Variants in C10orf90 observed in about 807,000 individuals in gnomAD.
The protein encoded by C10orf90 is chromosome 10 open reading frame 90.
In C10orf90, 56 loss-of-function variants were observed where a neutral mutation model predicts 62.5. The ratio of observed to expected loss-of-function variants is 0.90; its 90% CI spans 0.72 to 1.12. The LOEUF (loss-of-function observed/expected upper bound fraction) is 1.12. C10orf90 is among the 50% of genes most tolerant of loss of function. The probability of loss-of-function intolerance (pLI) is 0.00; values close to 1 mark genes in which losing one functional copy is unlikely to be tolerated. For missense variants in C10orf90, 970 were observed against 880.4 expected (o/e 1.10, Z -1.29); for synonymous variants, 386 against 340.4 (o/e 1.13, Z -1.47).
At chr10:126,566,686 AGCTGGT>A (rs1844397536) in intron 2 of C10orf90, among the ~76,000 whole-genome samples, 1 of 152,174 alleles carries the variant, frequency 6.6e-6, no homozygotes, top group Admixed American at 6.5e-5. Flanking sequence ...GTGAGACTGG[AGCTGGT>A]GCCTGTGGGG....
chr10:126,562,439 C>T (rs989555498), intron 2 of C10orf90, among the ~76,000 whole-genome samples: 1 of 152,170 alleles, frequency 6.6e-6, no homozygotes, highest in African/African-American at 2.4e-5. Flanking sequence ...AACAGAATCC[C>T]TCATTCCTGC....
In C10orf90 at chr10:126,464,800, A is replaced by G; in HGVS notation, c.1721T>C (p.Leu574Pro). The change falls in exon 5 of 10, where the codon CTG becomes CCG. Residue 574 changes from leucine to proline, a missense_variant. Coordinates refer to ENST00000488181, the MANE Select transcript of C10orf90 (RefSeq NM_001350921.2). ...CCCAGGAAAAAGGATTCTGGGTTTCAGGAAGCTTTGATGTCGTCTCTCTGT... is the reference window on the plus strand; with the variant it reads ...CCCAGGAAAAAGGATTCTGGGTTTCGGGAAGCTTTGATGTCGTCTCTCTGT... ...EPTERRHQSF[L>P]KPRILFPGFL... The G allele has an allele frequency of 1.9e-6, 3 of 1,614,162 alleles. No homozygotes were observed. The highest frequency in any genetic ancestry group is 2.5e-6 in the Non-Finnish European group (3 of 1,180,044).
At chr10:126,619,943 T>G (rs79706663) in intron 2 of C10orf90, among the ~76,000 whole-genome samples, 1,974 of 152,332 alleles carry the variant, frequency 0.013, 36 homozygotes, top group African/African-American at 0.044. Flanking sequence ...ATTTTTTCTT[T>G]TTAATTTTTA....
At chr10:126,634,872 C>G (rs1305058846) in intron 2 of C10orf90, among the ~76,000 whole-genome samples, 1 of 152,226 alleles carries the variant, frequency 6.6e-6, no homozygotes, top group Non-Finnish European at 1.5e-5. Flanking sequence ...AAGGAAAGAA[C>G]AGTATCCTTT....
chr10:126,565,385 ATT>A (rs1844352435), intron 2 of C10orf90, among the ~76,000 whole-genome samples: 1 of 76,596 alleles, frequency 1.3e-5, no homozygotes, highest in South Asian at 3.1e-4. Context: ...AATAATATAT[ATT>A]ATATATATTA....
At chr10:126,603,556 AC>A (rs1396623821) in intron 2 of C10orf90, among the ~76,000 whole-genome samples, 2 of 152,154 alleles carry the variant, frequency 1.3e-5, no homozygotes, top group South Asian at 4.2e-4. Context: ...CCTGAGTTTC[AC>A]CCCTGGCTGC....
Position 126,571,790 on chromosome 10 carries a change from G to A in C10orf90, c.314-57851C>T, listed in dbSNP as rs563444452. ...AACATTGTCAGAGAACAGAACCTGG[G>A]ACTCCAGGCGTAAATAAACCCAAGA... On this transcript the variant is annotated intron_variant, in intron 2 of 9. Transcript: ENST00000488181. Among the ~76,000 whole-genome samples the A allele has an allele frequency of 1.2e-4, 19 of 152,164 alleles. No individual in the cohort carries two copies. The South Asian group carries it at 4.0e-3, about 32-fold the overall frequency.
At chr10:126,473,453 G>T (rs939551073) in intron 4 of C10orf90, among the ~76,000 whole-genome samples, 4 of 152,180 alleles carry the variant, frequency 2.6e-5, no homozygotes, top group Non-Finnish European at 5.9e-5. Flanking sequence ...AGTAGAAAAA[G>T]TCCTTTGTGA....
At chr10:126,651,853 G>A (rs1205474856) in intron 1 of C10orf90, among the ~76,000 whole-genome samples, 1 of 152,198 alleles carries the variant, frequency 6.6e-6, no homozygotes, top group Non-Finnish European at 1.5e-5. Flanking sequence ...GACATTATTG[G>A]AGTCCAAAGG....
chr10:126,593,853 T>A (rs1845030148), intron 2 of C10orf90, among the ~76,000 whole-genome samples: 1 of 152,144 alleles, frequency 6.6e-6, no homozygotes, highest in Non-Finnish European at 1.5e-5. Context: ...TGTATCATAT[T>A]TATGCTCCAC....
chr10:126,555,886 A>T (rs1423171217), intron 2 of C10orf90, among the ~76,000 whole-genome samples: 1 of 152,150 alleles, frequency 6.6e-6, no homozygotes, highest in Non-Finnish European at 1.5e-5. Flanking sequence ...ATAGAAATAG[A>T]GAGAAATGAC....
At chr10:126,571,504 T>C (rs143667333) in intron 2 of C10orf90, among the ~76,000 whole-genome samples, 3,743 of 152,252 alleles carry the variant, frequency 0.025, 149 homozygotes, top group African/African-American at 0.084. Context: ...CAGGCATACC[T>C]GCACCCTGGA....
At chr10:126,430,219 T>G (rs1182243662) in intron 7 of C10orf90, among the ~76,000 whole-genome samples, 1 of 152,158 alleles carries the variant, frequency 6.6e-6, no homozygotes, top group Non-Finnish European at 1.5e-5. Flanking sequence ...GTGAGGCCTC[T>G]AAGGACAAGG....
chr10:126,555,905 G>C (rs893094), intron 2 of C10orf90, among the ~76,000 whole-genome samples: 1 of 151,772 alleles, frequency 6.6e-6, no homozygotes, highest in Non-Finnish European at 1.5e-5. Flanking sequence ...ACTATACTCC[G>C]CAAAGATATC....
At chr10:126,427,665 T>C (rs1412459333) in intron 8 of C10orf90, among the ~76,000 whole-genome samples, 1 of 152,224 alleles carries the variant, frequency 6.6e-6, no homozygotes, top group East Asian at 1.9e-4. Flanking sequence ...CTCCTGCCGT[T>C]GGACATCAGA....
At chr10:126,645,156 A>G (rs1846142096) in intron 2 of C10orf90, among the ~76,000 whole-genome samples, 1 of 151,508 alleles carries the variant, frequency 6.6e-6, no homozygotes, top group Admixed American at 6.6e-5. Flanking sequence ...GGTATACCTA[A>G]TGCTAGATGA....
At chr10:126,603,284 T>C (rs1050366875) in intron 2 of C10orf90, among the ~76,000 whole-genome samples, 2 of 152,104 alleles carry the variant, frequency 1.3e-5, no homozygotes, top group African/African-American at 4.8e-5. Flanking sequence ...AAACATGTCC[T>C]TCTTCACGTG....
At chr10:126,555,207 T>C (rs1336368185) in intron 2 of C10orf90, among the ~76,000 whole-genome samples, 4 of 152,136 alleles carry the variant, frequency 2.6e-5, no homozygotes, top group Admixed American at 1.3e-4. Context: ...ACAACCTGAC[T>C]TTGGGTTAAC....
intron 4 of C10orf90, among the ~76,000 whole-genome samples, chr10:126,493,153 C>A (rs1422317669): frequency 1.5e-5 from 2 of 129,054 alleles, no homozygotes; most frequent in African/African-American, 2.8e-5. Context: ...CATAATCCCT[C>A]TTTTTTGTTG....
Sources: allele counts gnomAD v4.1 joint callset (sites outside exome capture counted in the v4.1 genomes callset), GRCh38; gene constraint gnomAD v4.1.1; transcripts MANE v1.5; gene names NCBI Gene and HGNC (gene_info 2026-07-23, HGNC 2026-07-21).